Variants in EYA4 observed in about 807,000 individuals in gnomAD.
EYA4 encodes EYA transcriptional coactivator and phosphatase 4.
A neutral mutation model predicts 87.9 loss-of-function variants in EYA4; 31 were observed. That is an observed-to-expected ratio of 0.35 (90% CI 0.27 to 0.48). EYA4 has a LOEUF of 0.48. EYA4 is among the 20% of genes least tolerant of loss of function. EYA4 has a pLI of 0.99. For missense variants in EYA4, 678 were observed against 761.4 expected (o/e 0.89, Z 1.29); for synonymous variants, 263 against 270.6 (o/e 0.97, Z 0.28).
At chr6:133,484,765 T>C (rs1796547207) in intron 13 of EYA4, among the ~76,000 whole-genome samples, 1 of 152,232 alleles carries the variant, frequency 6.6e-6, no homozygotes. Flanking sequence ...ATAAACAATC[T>C]AATAAGCAGA....
At chr6:133,263,418 C>T (rs1158475550) in intron 1 of EYA4, among the ~76,000 whole-genome samples, 1 of 151,860 alleles carries the variant, frequency 6.6e-6, no homozygotes, top group Admixed American at 6.6e-5. Flanking sequence ...TCGGTCAGTT[C>T]TCTTCTGTCT....
At chr6:133,504,344 G>T (rs1161852743) in intron 13 of EYA4, among the ~76,000 whole-genome samples, 1 of 152,238 alleles carries the variant, frequency 6.6e-6, no homozygotes, top group East Asian at 1.9e-4. Flanking sequence ...CGGCAGCACA[G>T]TCAAGCTACC....
upstream of EYA4, chr6:133,240,921 G>C (rs1250593275): frequency 6.6e-6 from 1 of 152,450 alleles, no homozygotes; most frequent in Non-Finnish European, 1.5e-5. Flanking sequence ...GCAATTCCGG[G>C]GGCTGCCCCA....
intron 3 of EYA4, among the ~76,000 whole-genome samples, chr6:133,432,995 C>T (rs1018890298): frequency 2.2e-4 from 34 of 152,156 alleles, no homozygotes; most frequent in Admixed American, 2.6e-4. Context: ...GGATCACAGA[C>T]TTAAATTCAT....
intron 11 of EYA4, among the ~76,000 whole-genome samples, chr6:133,480,448 T>TC (rs1216971723): frequency 5.3e-5 from 8 of 152,282 alleles, no homozygotes; most frequent in African/African-American, 1.9e-4. Flanking sequence ...AGATATGCCG[T>TC]CCAGTGCTGC....
chr6:133,364,996 A>G (rs1161679301), intron 2 of EYA4, among the ~76,000 whole-genome samples: 1 of 152,150 alleles, frequency 6.6e-6, no homozygotes, highest in Non-Finnish European at 1.5e-5. Context: ...AAAATTCAGG[A>G]TATCATCCTG....
chr6:133,491,393 A>G (rs1172024881), intron 13 of EYA4, among the ~76,000 whole-genome samples: 1 of 152,186 alleles, frequency 6.6e-6, no homozygotes, highest in Non-Finnish European at 1.5e-5. Context: ...AGATAAACAA[A>G]ATAGACAAAT....
chr6:133,474,736 T>C (rs1795576077), intron 11 of EYA4, among the ~76,000 whole-genome samples: 1 of 152,092 alleles, frequency 6.6e-6, no homozygotes. Context: ...AGCAAACAAG[T>C]TTATAACTAT....
intron 2 of EYA4, among the ~76,000 whole-genome samples, chr6:133,347,803 G>T (rs1420223772): frequency 6.6e-6 from 1 of 152,168 alleles, no homozygotes; most frequent in Non-Finnish European, 1.5e-5. Flanking sequence ...ATGAACTGAA[G>T]AAGTCTGATT....
chr6:133,410,697 G>A (rs958802386), intron 3 of EYA4, among the ~76,000 whole-genome samples: 6 of 151,042 alleles, frequency 4.0e-5, no homozygotes, highest in African/African-American at 1.5e-4. Context: ...CTGTCCTGCA[G>A]CAGCAGTCCC....
At chr6:133,474,745 A>G (rs1389580072) in intron 11 of EYA4, among the ~76,000 whole-genome samples, 1 of 152,156 alleles carries the variant, frequency 6.6e-6, no homozygotes, top group Non-Finnish European at 1.5e-5. Flanking sequence ...GTTTATAACT[A>G]TGGAATTTTT....
intron 3 of EYA4, 99 bp from the exon 4 acceptor site, chr6:133,446,531 T>C: frequency 7.3e-7 from 1 of 1,367,742 alleles, no homozygotes. Context: ...GTTTTAATTA[T>C]TACTGTGAGA....
chr6:133,498,373 A>G (rs527359818), intron 13 of EYA4, among the ~76,000 whole-genome samples: 10 of 152,342 alleles, frequency 6.6e-5, no homozygotes, highest in Non-Finnish European at 1.5e-4. Flanking sequence ...AATAAGGAGA[A>G]TAATAAAAGT....
rs1554228139 is a variant in EYA4 at position 133,332,725 on chromosome 6, T to TTC, written c.34-49666_34-49665insCT. 6.2e-3 allele frequency among the ~76,000 whole-genome samples: 930 copies of TTC among 149,650 alleles called. 10 individuals are homozygous for TTC. Among genetic ancestry groups the TTC allele is most frequent in the African/African-American group, 0.022 (900 of 40,658 alleles). On this transcript the variant is annotated intron_variant, in intron 2 of 19. Coordinates refer to ENST00000355286, the MANE Select transcript of EYA4 (RefSeq NM_004100.5). Reference sequence around the variant, plus strand: ...CGCCCAGCTAAATTTTTTTTTTTTTTTTTTTTTTTTTGTATTTTAGCAGAG... The same window carrying TTC: ...CGCCCAGCTAAATTTTTTTTTTTTTTTCTTTTTTTTTTTGTATTTTAGCAGAG...
intron 1 of EYA4, among the ~76,000 whole-genome samples, chr6:133,260,977 C>G (rs1224702201): frequency 6.6e-6 from 1 of 152,202 alleles, no homozygotes; most frequent in Non-Finnish European, 1.5e-5. Context: ...ACCTTTTCCT[C>G]TTAACTTTTC....
rs567507389 is a variant in EYA4 at position 133,426,250 on chromosome 6, A to G, written c.84-20380A>G. The stretch of plus-strand genomic sequence containing the variant: ...TGGCTTTTTACCTTTGAATCTAGTA[A>G]CAAGTACAAGAGCAGTTACCTAATA... On this transcript the variant is annotated intron_variant, in intron 3 of 19. Transcript: ENST00000355286. 7.2e-5 allele frequency among the ~76,000 whole-genome samples: 11 copies of G among 152,348 alleles called. No homozygotes were observed. The South Asian group carries it at 8.3e-4, about 11-fold the overall frequency.
chr6:133,385,214 G>A (rs1226113922), intron 3 of EYA4, among the ~76,000 whole-genome samples: 1 of 150,828 alleles, frequency 6.6e-6, no homozygotes, highest in Non-Finnish European at 1.5e-5. Context: ...CAGGAGAATG[G>A]CGTGAACCTG....
intron 2 of EYA4, among the ~76,000 whole-genome samples, chr6:133,318,043 T>C (rs1363256770): frequency 6.6e-6 from 1 of 152,210 alleles, no homozygotes; most frequent in Non-Finnish European, 1.5e-5. Flanking sequence ...TAAATGTAGT[T>C]TTGAAGATAA....
Position 133,387,071 on chromosome 6 carries a change from A to G in EYA4, c.83+4630A>G, listed in dbSNP as rs1361926243. 3.9e-5 allele frequency among the ~76,000 whole-genome samples: 6 copies of G among 152,218 alleles called. No homozygotes were observed. In the East Asian group the frequency reaches 1.2e-3, roughly 29 times the overall value. On this transcript the variant is annotated intron_variant, in intron 3 of 19. Transcript: ENST00000355286. Reference sequence around the variant, plus strand: ...CGTTTTTTAAAGAAGCATTGGAATTAGTTTCAGTTTAATATGTAATATTTA... The same window carrying G: ...CGTTTTTTAAAGAAGCATTGGAATTGGTTTCAGTTTAATATGTAATATTTA...
Sources: gnomAD v4.1 joint callset for allele counts (sites outside exome capture counted in the v4.1 genomes callset) on GRCh38, gnomAD v4.1.1 for gene constraint, MANE v1.5 for transcripts, NCBI Gene and HGNC (gene_info 2026-07-23, HGNC 2026-07-21) for gene names.